Variants in GALNTL6 observed in about 807,000 individuals in gnomAD.
The protein encoded by GALNTL6 is polypeptide N-acetylgalactosaminyltransferase like 6.
Under a neutral mutation model 73.7 loss-of-function variants are expected in GALNTL6, and 46 were observed. The observed-to-expected ratio is 0.62, with a 90% CI of 0.49 to 0.80. GALNTL6 has a LOEUF of 0.80. Among genes scored for constraint, GALNTL6 ranks in the 30% least tolerant of loss-of-function variants. GALNTL6 has a pLI of 0.00. For missense variants in GALNTL6, 604 were observed against 755.0 expected, an observed-to-expected ratio of 0.80 and a Z score of 2.34; for synonymous variants, 259 against 263.7, an observed-to-expected ratio of 0.98 and a Z score of 0.17.
intron 8 of GALNTL6, among the ~76,000 whole-genome samples, chr4:172,910,261 G>T (rs1260958598): frequency 6.6e-6 from 1 of 152,088 alleles, no homozygotes; most frequent in Non-Finnish European, 1.5e-5. Flanking sequence ...ATTATAATCT[G>T]CAGGAATGAC....
rs1734481595 is a variant in GALNTL6 at position 172,161,909 on chromosome 4, A to G, written c.139-67747A>G. ...AAGAAATAGTATGTAAATATCTGTG[A>G]ATACAAGAAAACTCATGACTAATTC... On this transcript the variant is annotated intron_variant, in intron 2 of 12. Coordinates refer to ENST00000506823, the MANE Select transcript of GALNTL6 (RefSeq NM_001034845.3). 2.0e-5 allele frequency among the ~76,000 whole-genome samples: 3 copies of G among 152,152 alleles called. No individual in the cohort carries two copies. The South Asian group carries it at 6.2e-4, about 32-fold the overall frequency.
At chr4:172,925,216 G>GA (rs956793748) in intron 8 of GALNTL6, among the ~76,000 whole-genome samples, 35 of 147,906 alleles carry the variant, frequency 2.4e-4, no homozygotes, top group African/African-American at 5.5e-4. Context: ...CCGTAAGAAG[G>GA]AAAAAAAAAT....
At chr4:172,183,428 A>G (rs903649548) in intron 2 of GALNTL6, among the ~76,000 whole-genome samples, 8 of 152,202 alleles carry the variant, frequency 5.3e-5, no homozygotes, top group Admixed American at 4.6e-4. Flanking sequence ...TGAAATGACA[A>G]ATTCAAACTG....
At chr4:172,942,708 G>A (rs1748973730) in intron 9 of GALNTL6, among the ~76,000 whole-genome samples, 1 of 152,118 alleles carries the variant, frequency 6.6e-6, no homozygotes, top group Non-Finnish European at 1.5e-5. Context: ...TCTGTTTCCT[G>A]CCCATGAAGC....
intron 2 of GALNTL6, among the ~76,000 whole-genome samples, chr4:171,994,351 G>C (rs1740424681): frequency 6.6e-6 from 1 of 152,056 alleles, no homozygotes; most frequent in African/African-American, 2.4e-5. Context: ...ACCCAAAACT[G>C]ATTGACCTGA....
chr4:172,352,243 A>C (rs1029311568), intron 5 of GALNTL6, among the ~76,000 whole-genome samples: 5 of 152,292 alleles, frequency 3.3e-5, no homozygotes, highest in East Asian at 3.9e-4. Flanking sequence ...AAAAAAGTGC[A>C]TATTCCATCT....
chr4:172,903,303 A>G (rs1429107241), intron 8 of GALNTL6, among the ~76,000 whole-genome samples: 1 of 152,148 alleles, frequency 6.6e-6, no homozygotes, highest in African/African-American at 2.4e-5. Flanking sequence ...GTCCCGATTT[A>G]CTGCAGGGAT....
At chr4:171,920,413 T>C (rs1415580737) in intron 2 of GALNTL6, among the ~76,000 whole-genome samples, 1 of 151,868 alleles carries the variant, frequency 6.6e-6, no homozygotes, top group Non-Finnish European at 1.5e-5. Context: ...AAGAAACAGT[T>C]TAGGGATGGC....
chr4:171,966,443 C>T (rs1056629414), intron 2 of GALNTL6, among the ~76,000 whole-genome samples: 10 of 151,944 alleles, frequency 6.6e-5, no homozygotes, highest in African/African-American at 1.2e-4. Flanking sequence ...ATATGGAGAG[C>T]GCTAAAGGTG....
intron 2 of GALNTL6, among the ~76,000 whole-genome samples, chr4:172,053,691 C>T (rs1391846332): frequency 6.6e-6 from 1 of 152,092 alleles, no homozygotes; most frequent in Non-Finnish European, 1.5e-5. Flanking sequence ...TTTCCATACA[C>T]TTCAATCAGA....
chr4:171,968,388 A>G (rs1407231599), intron 2 of GALNTL6, among the ~76,000 whole-genome samples: 1 of 152,160 alleles, frequency 6.6e-6, no homozygotes, highest in Admixed American at 6.5e-5. Context: ...GTCATTGCCA[A>G]CCATCCTTGG....
chr4:171,934,988 C>A (rs1407167129), intron 2 of GALNTL6, among the ~76,000 whole-genome samples: 2 of 152,076 alleles, frequency 1.3e-5, no homozygotes, highest in Non-Finnish European at 2.9e-5. Context: ...GCTCTCCTGA[C>A]CCTTGAAGCA....
At chr4:172,928,874 C>G (rs915911107) in intron 8 of GALNTL6, among the ~76,000 whole-genome samples, 1 of 152,202 alleles carries the variant, frequency 6.6e-6, no homozygotes, top group Non-Finnish European at 1.5e-5. Context: ...CAAAAGACTT[C>G]AGGCCTGCAG....
At chr4:172,194,862 A>G (rs1427108851) in intron 2 of GALNTL6, among the ~76,000 whole-genome samples, 3 of 152,130 alleles carry the variant, frequency 2.0e-5, no homozygotes, top group Non-Finnish European at 4.4e-5. Context: ...ACACACACCA[A>G]TGACACTATG....
At chr4:172,791,396 A>G (rs1277680473) in intron 5 of GALNTL6, among the ~76,000 whole-genome samples, 1 of 152,188 alleles carries the variant, frequency 6.6e-6, no homozygotes, top group Non-Finnish European at 1.5e-5. Flanking sequence ...TACATTGATA[A>G]ACAACAGTGG....
chr4:172,229,658 A>G lies in GALNTL6; in HGVS notation c.141A>G (p.Thr47=), dbSNP rs1736985550. 2.5e-6 allele frequency: 4 copies of G among 1,607,588 alleles called. No individual in the cohort carries two copies. The East Asian group carries it at 6.7e-5, about 27-fold the overall frequency. The change falls in exon 3 of 13, where the codon ACA becomes ACG. Residue 47 remains threonine, a splice_region_variant and synonymous_variant. Transcript: ENST00000506823. Reference sequence around the variant, plus strand: ...TTGAATACTTTCCTTTTCCACAGACATTTCCACTGGGCCTGGGAGATGGGC... The same window carrying G: ...TTGAATACTTTCCTTTTCCACAGACGTTTCCACTGGGCCTGGGAGATGGGC... ...VKSAEPGEQQ[T]FPLGLGDGQF...
intron 5 of GALNTL6, among the ~76,000 whole-genome samples, chr4:172,400,978 A>G (rs2111323509): frequency 6.6e-6 from 1 of 152,286 alleles, no homozygotes; most frequent in Admixed American, 6.5e-5. Flanking sequence ...GATAAATGAG[A>G]CAATCGGAGA....
chr4:172,826,434 T>C (rs1450675525), intron 7 of GALNTL6, among the ~76,000 whole-genome samples: 2 of 152,078 alleles, frequency 1.3e-5, no homozygotes, highest in African/African-American at 4.8e-5. Context: ...AGCCCACACA[T>C]CTAATTCCTT....
At chr4:172,627,533 CTTG>C (rs1442879407) in intron 5 of GALNTL6, among the ~76,000 whole-genome samples, 1 of 147,862 alleles carries the variant, frequency 6.8e-6, no homozygotes, top group East Asian at 2.0e-4. Context: ...ATGCCTCTTC[CTTG>C]TTTTTTTTTT....
Sources: allele counts gnomAD v4.1 joint callset (sites outside exome capture counted in the v4.1 genomes callset), GRCh38; gene constraint gnomAD v4.1.1; transcripts MANE v1.5; gene names NCBI Gene and HGNC (gene_info 2026-07-23, HGNC 2026-07-21).